The following KCNQ1 variants were observed in gnomAD, a reference collection of about 807,000 sequenced individuals.
KCNQ1 encodes potassium voltage-gated channel subfamily Q member 1.
Under a neutral mutation model 72.4 loss-of-function variants are expected in KCNQ1, and 49 were observed. That is an observed-to-expected ratio of 0.68 (90% confidence interval 0.54 to 0.86). The LOEUF (loss-of-function observed/expected upper bound fraction) is 0.86. Ranked by LOEUF, KCNQ1 falls within the 40% of genes least tolerant of loss-of-function variation. KCNQ1 has a pLI of 0.00. For synonymous variants in KCNQ1, 450 were observed against 412.6 expected (o/e 1.09, Z -1.10); for missense variants, 790 against 945.1 (o/e 0.84, Z 2.15).
intron 1 of KCNQ1, among the ~76,000 whole-genome samples, chr11:2,504,712 G>A (rs1005573672): frequency 1.3e-5 from 2 of 152,130 alleles, no homozygotes; most frequent in African/African-American, 4.8e-5. Context: ...AGCTGAGATC[G>A]CGCCACTGCA....
In KCNQ1 at chr11:2,765,615, T is replaced by C. The variant is rs561773603; in HGVS notation, c.1515-3229T>C. On this transcript the variant is annotated intron_variant, in intron 11 of 15. Coordinates refer to ENST00000155840, the MANE Select transcript of KCNQ1 (RefSeq NM_000218.3). ...TCCCACCATTTTCTCTTTTAGCTTT[T>C]AGTTCTGCCAGTTTGCTTTATGTAT... Among the ~76,000 whole-genome samples, 13 of 152,378 alleles carry C rather than the reference T, an allele frequency of 8.5e-5. No homozygotes were observed. The East Asian group carries it at 2.5e-3, about 29-fold the overall frequency.
intron 11 of KCNQ1, among the ~76,000 whole-genome samples, chr11:2,751,878 G>C (rs55763223): frequency 0.13 from 20,325 of 152,236 alleles, 1,581 homozygotes; most frequent in East Asian, 0.29. Context: ...GGCCAGCTTT[G>C]CCCTATTCCC....
At chr11:2,570,302 C>A (rs949350548) in intron 2 of KCNQ1, among the ~76,000 whole-genome samples, 1 of 151,414 alleles carries the variant, frequency 6.6e-6, no homozygotes, top group East Asian at 1.9e-4. Flanking sequence ...GCCCTCTGGC[C>A]CAAGCTGGGG....
rs568174891 is a variant in KCNQ1, at chr11:2,645,676, T to C, written c.1394-16285T>C. 45 of 398,782 alleles carry C rather than the reference T, an allele frequency of 1.1e-4. No homozygotes were observed. Among genetic ancestry groups the C allele is most frequent in the Non-Finnish European group, 1.7e-4 (39 of 226,198 alleles). The allele number at this position is 398,782 out of a possible 1,614,324, so 24.7% of individuals were successfully genotyped here. A position where few individuals can be genotyped will look rare whatever the true frequency, so the allele number is the denominator to read the frequency against. ...GAGGTAGCAGAGTATTGCCAATGGC[T>C]CATGCTTTGGCCTGGAGGGAGCAGT... On this transcript the variant is annotated intron_variant, in intron 10 of 15. Coordinates refer to ENST00000155840, the MANE Select transcript of KCNQ1 (RefSeq NM_000218.3). The surrounding 1 kb of genome is among the most constrained non-coding windows in gnomAD (Gnocchi z 5.8).
At position 2,815,910 on chromosome 11, in the gene KCNQ1, G is replaced by C. The variant is rs542587414; in HGVS notation, c.1795-31857G>C. On this transcript the variant is annotated intron_variant, in intron 15 of 15. Transcript: ENST00000155840. This position sits in a 1 kb window ranked among gnomAD's most constrained non-coding sequence, Gnocchi z 5.4. Reference sequence around the variant, plus strand: ...TGCCTGTGCCGAAAAATTAAGCACCGCTGAGTCGCCGCACACCTGTCAGGG... The same window carrying C: ...TGCCTGTGCCGAAAAATTAAGCACCCCTGAGTCGCCGCACACCTGTCAGGG... Among the ~76,000 whole-genome samples the C allele has an allele frequency of 2.1e-4, 32 of 152,326 alleles. No individual in the cohort carries two copies. The highest frequency in any genetic ancestry group is 7.7e-4 in the African/African-American group (32 of 41,578).
chr11:2,841,392 G>A (rs998036792), intron 15 of KCNQ1, among the ~76,000 whole-genome samples: 4 of 152,160 alleles, frequency 2.6e-5, no homozygotes, highest in Non-Finnish European at 4.4e-5. Flanking sequence ...AACAAGCGGG[G>A]AACAGGTTGG....
At chr11:2,737,259 A>G (rs1003926419) in intron 11 of KCNQ1, among the ~76,000 whole-genome samples, 2 of 152,096 alleles carry the variant, frequency 1.3e-5, no homozygotes, top group African/African-American at 4.8e-5. Flanking sequence ...ACAGAAGTGA[A>G]GGGGTGCCGG....
intron 10 of KCNQ1, among the ~76,000 whole-genome samples, chr11:2,604,534 G>C (rs190250881): frequency 1.5e-3 from 222 of 151,936 alleles, no homozygotes; most frequent in Non-Finnish European, 2.5e-3. Context: ...GGAGTGGAAA[G>C]CTGAGTCAAA....
intron 10 of KCNQ1, chr11:2,637,495 T>C (rs963321009): frequency 6.6e-6 from 1 of 152,246 alleles, no homozygotes; most frequent in Non-Finnish European, 1.5e-5. Flanking sequence ...TGAGCGGTTT[T>C]GAGTGAGTTT....
intron 15 of KCNQ1, among the ~76,000 whole-genome samples, chr11:2,831,998 T>C (rs931464797): frequency 6.6e-6 from 1 of 151,290 alleles, no homozygotes; most frequent in Non-Finnish European, 1.5e-5. Flanking sequence ...TCCAGGGGGG[T>C]GGCCTGAGGC....
At position 2,478,648 on chromosome 11, in the gene KCNQ1, A is replaced by C. The variant is rs1846608882; in HGVS notation, c.386+33164A>C. Among the ~76,000 whole-genome samples the C allele has an allele frequency of 6.6e-6, 1 of 152,128 alleles. No homozygotes were observed. The highest frequency in any genetic ancestry group is 2.4e-5 in the African/African-American group (1 of 41,432). On this transcript the variant is annotated intron_variant, in intron 1 of 15. Transcript: ENST00000155840. This position sits in a 1 kb window ranked among gnomAD's most constrained non-coding sequence, Gnocchi z 4.0. Reference sequence around the variant, plus strand: ...TCCCATGACACGTGGGAATTATGGGAGCTACAATTCACGATGAGATTTGGG... The same window carrying C: ...TCCCATGACACGTGGGAATTATGGGCGCTACAATTCACGATGAGATTTGGG...
At chr11:2,739,636 C>T (rs1257332190) in intron 11 of KCNQ1, among the ~76,000 whole-genome samples, 2 of 152,252 alleles carry the variant, frequency 1.3e-5, no homozygotes, top group East Asian at 3.8e-4. Flanking sequence ...TCTGCCCCAG[C>T]GTTTGTCAGC....
At chr11:2,469,926 C>G (rs1387773417) in intron 1 of KCNQ1, among the ~76,000 whole-genome samples, 1 of 152,202 alleles carries the variant, frequency 6.6e-6, no homozygotes, top group Non-Finnish European at 1.5e-5. Context: ...TCCCAAAGTG[C>G]TGGGATTACA....
rs922942435 is a variant in KCNQ1 at position 2,828,746 on chromosome 11, A to G, written c.1795-19021A>G. ...CTCGTGATGAAAACAACAGGGATTC[A>G]GTAAATGCATTCAAGCTAAAAAGGA... is the stretch of plus-strand genomic sequence containing the variant. On this transcript the variant is annotated intron_variant, in intron 15 of 15. Coordinates refer to ENST00000155840, the MANE Select transcript of KCNQ1 (RefSeq NM_000218.3). This position sits in a 1 kb window ranked among gnomAD's most constrained non-coding sequence, Gnocchi z 5.3. 3.3e-5 allele frequency among the ~76,000 whole-genome samples: 5 copies of G among 152,362 alleles called. No individual in the cohort carries two copies. The East Asian group carries it at 7.7e-4, about 23-fold the overall frequency.
At chr11:2,448,575 T>C (rs906285306) in intron 1 of KCNQ1, among the ~76,000 whole-genome samples, 1 of 152,228 alleles carries the variant, frequency 6.6e-6, no homozygotes, top group Non-Finnish European at 1.5e-5. Context: ...GCAGTTGTTC[T>C]GCAGCTGGGC....
rs893097218 is a variant in KCNQ1 at position 2,592,833 on chromosome 11, G to A, written c.1393+3979G>A. On this transcript the variant is annotated intron_variant, in intron 10 of 15. Coordinates refer to ENST00000155840, the MANE Select transcript of KCNQ1 (RefSeq NM_000218.3). The surrounding 1 kb of genome is among the most constrained non-coding windows in gnomAD (Gnocchi z 5.2). Reference sequence around the variant, plus strand: ...AGCCTCCTGCCCAGAGGGTCCAAGCGGGCATGGCCATCCACATCTGCAGGT... The same window carrying A: ...AGCCTCCTGCCCAGAGGGTCCAAGCAGGCATGGCCATCCACATCTGCAGGT... 2.6e-5 allele frequency among the ~76,000 whole-genome samples: 4 copies of A among 152,186 alleles called. No homozygotes were observed. Among genetic ancestry groups the A allele is most frequent in the African/African-American group, 4.8e-5 (2 of 41,446 alleles).
intron 10 of KCNQ1, chr11:2,619,005 A>G (rs942155672): frequency 1.0e-5 from 4 of 398,260 alleles, no homozygotes; most frequent in African/African-American, 8.2e-5. Context: ...AAATGCAACT[A>G]CTGTTTTATA....
intron 11 of KCNQ1, among the ~76,000 whole-genome samples, chr11:2,717,352 G>GCAGCC (rs1564869618): frequency 6.6e-6 from 1 of 152,140 alleles, no homozygotes; most frequent in African/African-American, 2.4e-5. Context: ...TTCTGTGATC[G>GCAGCC]CAGCCCACAC....
At chr11:2,689,865 CT>C in intron 11 of KCNQ1, 1 of 398,890 alleles carries the variant, frequency 2.5e-6, no homozygotes, top group Non-Finnish European at 4.4e-6. Flanking sequence ...GCACCCACCC[CT>C]GCCTATCCAG....
Sources: allele counts gnomAD v4.1 joint callset (sites outside exome capture counted in the v4.1 genomes callset), GRCh38; gene constraint gnomAD v4.1.1; non-coding constraint Gnocchi (gnomAD v3.1); transcripts MANE v1.5; gene names NCBI Gene and HGNC (gene_info 2026-07-23, HGNC 2026-07-21).